The following RTN1 variants were observed in gnomAD, a reference collection of about 807,000 sequenced individuals.
The protein encoded by RTN1 is reticulon-1.
In RTN1, 25 loss-of-function variants were observed where a neutral mutation model predicts 65.5. The observed-to-expected ratio is 0.38, with a 90% CI of 0.28 to 0.53. The LOEUF (loss-of-function observed/expected upper bound fraction) is 0.53. Ranked by LOEUF, RTN1 falls within the 20% of genes least tolerant of loss-of-function variation. The probability of loss-of-function intolerance (pLI) is 0.79; values close to 1 mark genes in which losing one functional copy is unlikely to be tolerated. For synonymous variants in RTN1, 471 were observed against 447.6 expected (o/e 1.05, Z -0.66); for missense variants, 983 against 1,025.4 (o/e 0.96, Z 0.57).
intron 3 of RTN1, among the ~76,000 whole-genome samples, chr14:59,688,097 A>G (rs985599397): frequency 3.3e-5 from 5 of 152,016 alleles, no homozygotes; most frequent in African/African-American, 1.2e-4. Context: ...CTAGGCAGAG[A>G]TCCTGGTGCA....
At chr14:59,743,863 C>T (rs1281382224) in intron 2 of RTN1, among the ~76,000 whole-genome samples, 1 of 152,158 alleles carries the variant, frequency 6.6e-6, no homozygotes, top group Non-Finnish European at 1.5e-5. Flanking sequence ...CTTCCTTGGT[C>T]GTCTGGTCCC....
chr14:59,855,582 G>A (rs1390619523), intron 1 of RTN1, among the ~76,000 whole-genome samples: 2 of 152,106 alleles, frequency 1.3e-5, no homozygotes, highest in Non-Finnish European at 2.9e-5. Context: ...TGTTAATATG[G>A]TGTCGATTGT....
chr14:59,599,187 A>ACCCTCTCTCATCTAT (rs1881499427), intron 8 of RTN1, among the ~76,000 whole-genome samples: 1 of 152,118 alleles, frequency 6.6e-6, no homozygotes, highest in Non-Finnish European at 1.5e-5. Context: ...CCTTATTGTT[A>ACCCTCTCTCATCTAT]CCCTCTCTCA....
intron 1 of RTN1, among the ~76,000 whole-genome samples, chr14:59,749,630 TATAG>T (rs1458154087): frequency 1.5e-4 from 7 of 45,530 alleles, no homozygotes; most frequent in East Asian, 6.0e-4. Flanking sequence ...GATATCTATA[TATAG>T]ATATCTATAT....
chr14:59,817,698 A>G (rs1886847908), intron 1 of RTN1, among the ~76,000 whole-genome samples: 1 of 151,474 alleles, frequency 6.6e-6, no homozygotes, highest in Non-Finnish European at 1.5e-5. Context: ...CATTTCCACG[A>G]CTCTTGGACC....
At chr14:59,682,023 G>A (rs941657922) in intron 3 of RTN1, among the ~76,000 whole-genome samples, 4 of 152,118 alleles carry the variant, frequency 2.6e-5, no homozygotes, top group Middle Eastern at 3.2e-3. Context: ...ACATAAATCT[G>A]ATCATGGTGC....
chr14:59,731,128 A>G (rs1566702685), intron 2 of RTN1, among the ~76,000 whole-genome samples: 1 of 152,228 alleles, frequency 6.6e-6, no homozygotes, highest in Non-Finnish European at 1.5e-5. Flanking sequence ...TGATAAATGG[A>G]TAAATAAAAA....
At chr14:59,843,066 A>T (rs151091028) in intron 1 of RTN1, among the ~76,000 whole-genome samples, 19 of 152,344 alleles carry the variant, frequency 1.2e-4, no homozygotes, top group African/African-American at 3.4e-4. Flanking sequence ...CAATAGCTTT[A>T]AAAAAGTCCC....
chr14:59,802,540 T>G (rs914964293), intron 1 of RTN1, among the ~76,000 whole-genome samples: 1 of 152,248 alleles, frequency 6.6e-6, no homozygotes, highest in African/African-American at 2.4e-5. Flanking sequence ...TTTTGGCCAT[T>G]AATACACATT....
chr14:59,733,154 C>T (rs766526375), intron 2 of RTN1, among the ~76,000 whole-genome samples: 2 of 151,202 alleles, frequency 1.3e-5, no homozygotes, highest in African/African-American at 2.4e-5. Context: ...TGTAGTGGTG[C>T]GATCCCTGCT....
At chr14:59,738,364 A>C (rs1243611824) in intron 2 of RTN1, among the ~76,000 whole-genome samples, 1 of 152,268 alleles carries the variant, frequency 6.6e-6, no homozygotes, top group African/African-American at 2.4e-5. Flanking sequence ...GACACTTCTC[A>C]AAAGAAGATA....
chr14:59,693,016 T>C lies in RTN1; in HGVS notation c.1765+33903A>G, dbSNP rs1207520900. Among the ~76,000 whole-genome samples, 6 of 152,130 alleles carry C rather than the reference T, an allele frequency of 3.9e-5. No individual in the cohort carries two copies. The East Asian group carries it at 9.6e-4, about 24-fold the overall frequency. On this transcript the variant is annotated intron_variant, in intron 3 of 8. Transcript: ENST00000267484. ...AATCTTAACCCCATCGTGACGATAT[T>C]AGGAGGTGGGGCCTTTGGGATATAT...
chr14:59,659,437 G>T (rs917914916), intron 3 of RTN1, among the ~76,000 whole-genome samples: 2 of 152,018 alleles, frequency 1.3e-5, no homozygotes, highest in African/African-American at 2.4e-5. Flanking sequence ...ACACATAATT[G>T]TCAGGTTCAT....
At position 59,838,212 on chromosome 14, in the gene RTN1, T is replaced by G. The variant is rs1210760897; in HGVS notation, c.241+32178A>C. ...TGGGAACACGGAGTATTTGGTTTTC[T>G]GTTCCTGCATTAATTCTCAGGTTTA... On this transcript the variant is annotated intron_variant, in intron 1 of 8. Transcript: ENST00000267484. Among the ~76,000 whole-genome samples, 3 of 152,222 alleles carry G rather than the reference T, an allele frequency of 2.0e-5. No individual in the cohort carries two copies. The East Asian group carries it at 5.8e-4, about 29-fold the overall frequency.
intron 3 of RTN1, among the ~76,000 whole-genome samples, chr14:59,640,744 T>TTA (rs2140191577): frequency 6.6e-6 from 1 of 152,350 alleles, no homozygotes; most frequent in African/African-American, 2.4e-5. Context: ...TTGTTAAATT[T>TTA]TATTTTCTCT....
chr14:59,756,292 T>C (rs1261165654), intron 1 of RTN1, among the ~76,000 whole-genome samples: 1 of 152,204 alleles, frequency 6.6e-6, no homozygotes, highest in Non-Finnish European at 1.5e-5. Context: ...CAATCTTTTT[T>C]AGGGAAATGG....
intron 1 of RTN1, among the ~76,000 whole-genome samples, chr14:59,855,749 T>C (rs1887595616): frequency 6.6e-6 from 1 of 152,166 alleles, no homozygotes; most frequent in Non-Finnish European, 1.5e-5. Flanking sequence ...AACTCCTGAC[T>C]CTCCTCTAGG....
chr14:59,633,337 A>G (rs1288191404), intron 3 of RTN1, among the ~76,000 whole-genome samples: 2 of 152,252 alleles, frequency 1.3e-5, no homozygotes, highest in African/African-American at 2.4e-5. Flanking sequence ...TTATTCACGG[A>G]AAACTAGGAA....
chr14:59,689,054 A>C (rs1352151691), intron 3 of RTN1, among the ~76,000 whole-genome samples: 1 of 152,192 alleles, frequency 6.6e-6, no homozygotes, highest in Non-Finnish European at 1.5e-5. Flanking sequence ...AAGGTTGAAA[A>C]TCAACACAAT....
Sources: allele counts gnomAD v4.1 joint callset (sites outside exome capture counted in the v4.1 genomes callset), GRCh38; gene constraint gnomAD v4.1.1; transcripts MANE v1.5; gene names NCBI Gene and HGNC (gene_info 2026-07-23, HGNC 2026-07-21).